Variants in C10orf90 observed in about 807,000 individuals in gnomAD.
C10orf90 encodes the protein chromosome 10 open reading frame 90, also known as (E2-independent) E3 ubiquitin-conjugating enzyme FATS.
In C10orf90, 56 loss-of-function variants were observed where a neutral mutation model predicts 62.5. That is an observed-to-expected ratio of 0.90 (90% CI 0.72 to 1.12). The LOEUF is 1.12. Ranked by LOEUF, C10orf90 falls within the 50% of genes most tolerant of loss-of-function variation. The pLI is 0.00. For missense variants in C10orf90, 970 were observed against 880.4 expected (o/e 1.10, Z -1.29); for synonymous variants, 386 against 340.4 (o/e 1.13, Z -1.47).
At chr10:126,521,526 C>A in intron 2 of C10orf90, 1 of 1,299,172 alleles carries the variant, frequency 7.7e-7, no homozygotes, top group South Asian at 2.0e-5. Context: ...TACAGGGCAA[C>A]CAGGGGAGGT....
chr10:126,458,967 G>A (rs986471178), intron 7 of C10orf90, 73 bp downstream of exon 7: 5 of 1,492,654 alleles, frequency 3.3e-6, no homozygotes, highest in Middle Eastern at 2.5e-4. Context: ...CATCACCCCT[G>A]AGTGAAGCCT....
In C10orf90 at chr10:126,516,062, G is replaced by C. The variant is rs191437920; in HGVS notation, c.314-2123C>G. Among the ~76,000 whole-genome samples, 4 of 152,302 alleles carry C rather than the reference G, an allele frequency of 2.6e-5. No individual in the cohort carries two copies. The East Asian group carries it at 7.7e-4, about 29-fold the overall frequency. ...TCACCTGCTCTGGTCATGTGGCATC[G>C]CATGTGGTTAAGAACTTTGGAGTCA... On this transcript the variant is annotated intron_variant, in intron 2 of 9. Coordinates refer to ENST00000488181, the MANE Select transcript of C10orf90 (RefSeq NM_001350921.2).
At chr10:126,630,672 C>T (rs1845834348) in intron 2 of C10orf90, among the ~76,000 whole-genome samples, 1 of 152,174 alleles carries the variant, frequency 6.6e-6, no homozygotes, top group Non-Finnish European at 1.5e-5. Context: ...CAAGCAGGTA[C>T]TCCAGTGGCA....
intron 2 of C10orf90, among the ~76,000 whole-genome samples, chr10:126,582,676 C>A (rs1225806178): frequency 6.6e-6 from 1 of 150,680 alleles, no homozygotes; most frequent in East Asian, 1.9e-4. Flanking sequence ...TGCATCTTTC[C>A]ATTTGGGTCT....
intron 2 of C10orf90, among the ~76,000 whole-genome samples, chr10:126,572,237 G>A (rs966827512): frequency 2.0e-5 from 3 of 152,134 alleles, no homozygotes; most frequent in Admixed American, 6.5e-5. Flanking sequence ...ATGGCAATGC[G>A]AGTGACCTCT....
At chr10:126,489,220 A>G (rs1474099278) in intron 4 of C10orf90, among the ~76,000 whole-genome samples, 3 of 152,158 alleles carry the variant, frequency 2.0e-5, no homozygotes, top group East Asian at 1.9e-4. Context: ...TTAATGTAAC[A>G]TATGAAAAAA....
intron 2 of C10orf90, among the ~76,000 whole-genome samples, chr10:126,618,418 AC>A (rs1845584541): frequency 6.6e-6 from 1 of 152,124 alleles, no homozygotes; most frequent in African/African-American, 2.4e-5. Flanking sequence ...CCGCCTCCCC[AC>A]ATACTGTTAT....
chr10:126,452,288 C>A (rs1361459214), intron 7 of C10orf90, among the ~76,000 whole-genome samples: 1 of 152,054 alleles, frequency 6.6e-6, no homozygotes, highest in Non-Finnish European at 1.5e-5. Context: ...GGAATTTTAT[C>A]AATGACTTGA....
chr10:126,632,475 C>A (rs927932186), intron 2 of C10orf90, among the ~76,000 whole-genome samples: 2 of 151,578 alleles, frequency 1.3e-5, no homozygotes, highest in African/African-American at 4.8e-5. Context: ...TTTTCCAGAT[C>A]TCAGTATTAT....
rs10637715 is a variant in C10orf90 at position 126,470,577 on chromosome 10, AAAAC to A, written c.1535-5595_1535-5592del. On this transcript the variant is annotated intron_variant, in intron 4 of 9. Transcript: ENST00000488181. ...AGACCCTAACTCTACTAAAAACTAA[AAAAC>A]AAACAAACAAACAAACAAACTAGCC... 4.2e-4 allele frequency among the ~76,000 whole-genome samples: 63 copies of A among 150,030 alleles called. 1 individual carries two copies. The highest frequency in any genetic ancestry group is 1.3e-3 in the African/African-American group (53 of 40,590).
At chr10:126,430,880 C>A (rs10751551) in intron 7 of C10orf90, among the ~76,000 whole-genome samples, 83,864 of 151,972 alleles carry the variant, frequency 0.55, 24,930 homozygotes, top group East Asian at 0.68. Flanking sequence ...TGAGAATAGA[C>A]AGAATTTTCT....
chr10:126,602,436 C>T lies in C10orf90; in HGVS notation c.313+44129G>A, dbSNP rs1591134703. Among the ~76,000 whole-genome samples, 9 of 152,294 alleles carry T rather than the reference C, an allele frequency of 5.9e-5. No individual in the cohort carries two copies. The South Asian group carries it at 1.7e-3, about 28-fold the overall frequency. ...AGATATAGCAAGGGTAAGAAACCCT[C>T]CAAGATGACCTAGGTGTGAAGGGAC... On this transcript the variant is annotated intron_variant, in intron 2 of 9. Coordinates refer to ENST00000488181, the MANE Select transcript of C10orf90 (RefSeq NM_001350921.2).
At chr10:126,516,303 G>A (rs550341174) in intron 2 of C10orf90, among the ~76,000 whole-genome samples, 4 of 152,302 alleles carry the variant, frequency 2.6e-5, no homozygotes, top group Admixed American at 6.5e-5. Flanking sequence ...TTTGATAAAT[G>A]ACACCAGTTG....
At chr10:126,524,521 G>T in intron 2 of C10orf90, 2 of 589,884 alleles carry the variant, frequency 3.4e-6, no homozygotes, top group Non-Finnish European at 4.3e-6. Context: ...TAAGCAGAGA[G>T]TCAGGGCTTA....
chr10:126,556,049 A>G (rs979192453), intron 2 of C10orf90, among the ~76,000 whole-genome samples: 1 of 152,176 alleles, frequency 6.6e-6, no homozygotes, highest in Non-Finnish European at 1.5e-5. Context: ...TTGGTGAAAA[A>G]TGTCTGGCCT....
chr10:126,606,120 C>A (rs1346199842), intron 2 of C10orf90, among the ~76,000 whole-genome samples: 1 of 152,188 alleles, frequency 6.6e-6, no homozygotes, highest in African/African-American at 2.4e-5. Context: ...CCACTGCACC[C>A]TGGGAACCCA....
chr10:126,638,194 C>T (rs900680825), intron 2 of C10orf90, among the ~76,000 whole-genome samples: 7 of 152,152 alleles, frequency 4.6e-5, no homozygotes, highest in Non-Finnish European at 8.8e-5. Context: ...TTCTGCATTG[C>T]TCTGGGAAGT....
At chr10:126,605,879 GCATACATA>G (rs71488504) in intron 2 of C10orf90, among the ~76,000 whole-genome samples, 81 of 142,798 alleles carry the variant, frequency 5.7e-4, no homozygotes, top group South Asian at 5.4e-3. Context: ...ATACATACAT[GCATACATA>G]CATACATACA....
chr10:126,624,941 C>T lies in C10orf90; in HGVS notation c.313+21624G>A, dbSNP rs73370825. Among the ~76,000 whole-genome samples, 1,177 of 152,308 alleles carry T rather than the reference C, an allele frequency of 7.7e-3. 17 individuals carry two copies. The highest frequency in any genetic ancestry group is 0.026 in the African/African-American group (1,098 of 41,572). ...CCAAAGATGGACGATTACCATTTGG[C>T]CCTTGCCCTCAGAGAGCGGGCAGTC... On this transcript the variant is annotated intron_variant, in intron 2 of 9. Coordinates refer to ENST00000488181, the MANE Select transcript of C10orf90 (RefSeq NM_001350921.2).
Sources: allele counts gnomAD v4.1 joint callset (sites outside exome capture counted in the v4.1 genomes callset), GRCh38; gene constraint gnomAD v4.1.1; transcripts MANE v1.5; gene names NCBI Gene and HGNC (gene_info 2026-07-23, HGNC 2026-07-21).